The following SYNDIG1 variants were observed in gnomAD, a reference collection of about 807,000 sequenced individuals.
SYNDIG1 encodes synapse differentiation-inducing gene protein 1.
A neutral mutation model predicts 19.4 loss-of-function variants in SYNDIG1; 9 were observed. That is an observed-to-expected ratio of 0.46 (90% CI 0.28 to 0.81). The LOEUF is 0.81. Among genes scored for constraint, SYNDIG1 ranks in the 30% least tolerant of loss-of-function variants. The probability of loss-of-function intolerance (pLI) is 0.12; values close to 1 mark genes in which losing one functional copy is unlikely to be tolerated. For missense variants in SYNDIG1, 311 were observed against 343.3 expected, an observed-to-expected ratio of 0.91 and a Z score of 0.74; for synonymous variants, 141 against 145.9, an observed-to-expected ratio of 0.97 and a Z score of 0.24.
At position 24,557,544 on chromosome 20, in the gene SYNDIG1, G is replaced by A. The variant is rs528287161; in HGVS notation, c.480+13967G>A. 9.8e-5 allele frequency among the ~76,000 whole-genome samples: 15 copies of A among 152,314 alleles called. No individual in the cohort carries two copies. In the South Asian group the frequency reaches 2.5e-3, roughly 25 times the overall value. On this transcript the variant is annotated intron_variant, in intron 2 of 3. Coordinates refer to ENST00000376862, the MANE Select transcript of SYNDIG1 (RefSeq NM_024893.3). ...TAACAGACAGGACCCTCAGCTGCAG[G>A]TCTGTTGGAGTTTGCTAGAGGTCCA...
chr20:24,581,162 T>G (rs2058315817), intron 2 of SYNDIG1, among the ~76,000 whole-genome samples: 1 of 152,092 alleles, frequency 6.6e-6, no homozygotes, highest in Non-Finnish European at 1.5e-5. Flanking sequence ...CTCAGAGCCC[T>G]GGGTGCGCAG....
chr20:24,561,666 C>T (rs887214246), intron 2 of SYNDIG1, among the ~76,000 whole-genome samples: 2 of 152,176 alleles, frequency 1.3e-5, no homozygotes, highest in South Asian at 4.1e-4. Flanking sequence ...GAGAGCCTGG[C>T]TATGGCTGTG....
At chr20:24,662,385 G>C (rs6114818) in intron 3 of SYNDIG1, among the ~76,000 whole-genome samples, 1 of 151,978 alleles carries the variant, frequency 6.6e-6, no homozygotes. Flanking sequence ...TTCCAGAACC[G>C]CAGTGCACAA....
chr20:24,627,828 C>A (rs888040240), intron 3 of SYNDIG1, among the ~76,000 whole-genome samples: 1 of 152,268 alleles, frequency 6.6e-6, no homozygotes, highest in Non-Finnish European at 1.5e-5. Flanking sequence ...TTCAGCACTT[C>A]TTAATGCTGC....
intron 3 of SYNDIG1, among the ~76,000 whole-genome samples, chr20:24,661,554 AAAAAGAGAGGAAG>A (rs2059602257): frequency 3.4e-4 from 3 of 8,752 alleles, no homozygotes; most frequent in East Asian, 4.5e-3. Context: ...GGAGGGAGGA[AAAAAGAGAGGAAG>A]GAGGGAGGGA....
intron 3 of SYNDIG1, among the ~76,000 whole-genome samples, chr20:24,661,949 CA>C (rs1382607317): frequency 2.0e-5 from 3 of 152,086 alleles, no homozygotes; most frequent in Non-Finnish European, 2.9e-5. Flanking sequence ...TAAACACTAC[CA>C]CCCATGGAAT....
At chr20:24,495,444 T>C (rs1246927908) in intron 1 of SYNDIG1, 1 of 152,326 alleles carries the variant, frequency 6.6e-6, no homozygotes, top group East Asian at 1.9e-4. Flanking sequence ...CTTCATCCAG[T>C]TCCCCGAGCT....
intron 1 of SYNDIG1, among the ~76,000 whole-genome samples, chr20:24,518,310 G>A (rs982058289): frequency 7.9e-5 from 12 of 152,060 alleles, no homozygotes; most frequent in Non-Finnish European, 1.6e-4. Context: ...CTGGTACTAG[G>A]GAGAAGCATC....
chr20:24,654,650 G>GGAAAGAAGGAAGGA (rs2059505234), intron 3 of SYNDIG1, among the ~76,000 whole-genome samples: 19 of 117,456 alleles, frequency 1.6e-4, no homozygotes, highest in African/African-American at 6.5e-4. Context: ...GGGAGGGAGG[G>GGAAAGAAGGAAGGA]AGGAAGGAAG....
At chr20:24,589,971 T>TG (rs1568666514) in intron 3 of SYNDIG1, among the ~76,000 whole-genome samples, 2 of 152,206 alleles carry the variant, frequency 1.3e-5, no homozygotes, top group African/African-American at 4.8e-5. Context: ...CATGCAGCAG[T>TG]GAACAGAGCA....
At chr20:24,581,021 G>T (rs193034944) in intron 2 of SYNDIG1, among the ~76,000 whole-genome samples, 45 of 152,298 alleles carry the variant, frequency 3.0e-4, no homozygotes, top group Non-Finnish European at 5.3e-4. Flanking sequence ...GACAGACTTA[G>T]CAAGAAGCAG....
At chr20:24,579,304 C>T (rs889022365) in intron 2 of SYNDIG1, among the ~76,000 whole-genome samples, 10 of 152,168 alleles carry the variant, frequency 6.6e-5, no homozygotes, top group African/African-American at 2.2e-4. Flanking sequence ...TGACTGTTTT[C>T]GAGCTGCTGA....
At chr20:24,523,313 A>G (rs1191891693) in intron 1 of SYNDIG1, among the ~76,000 whole-genome samples, 4 of 152,206 alleles carry the variant, frequency 2.6e-5, no homozygotes, top group Non-Finnish European at 4.4e-5. Flanking sequence ...GTCCTTATTA[A>G]AAGTTTAGCA....
intron 1 of SYNDIG1, among the ~76,000 whole-genome samples, chr20:24,496,498 T>C (rs959701593): frequency 1.3e-5 from 2 of 152,258 alleles, no homozygotes; most frequent in South Asian, 2.1e-4. Flanking sequence ...CATGGGTTTC[T>C]ATAGTGGAAT....
intron 2 of SYNDIG1, among the ~76,000 whole-genome samples, chr20:24,556,915 C>T (rs2057832687): frequency 6.6e-6 from 1 of 152,166 alleles, no homozygotes; most frequent in African/African-American, 2.4e-5. Context: ...CAACTTGGTT[C>T]CATTCTCCCC....
chr20:24,500,105 T>C (rs2056403097), intron 1 of SYNDIG1, among the ~76,000 whole-genome samples: 1 of 151,136 alleles, frequency 6.6e-6, no homozygotes, highest in Non-Finnish European at 1.5e-5. Flanking sequence ...TGCCAAAGAC[T>C]CCAGACTCAG....
chr20:24,531,840 G>T (rs1330622355), intron 1 of SYNDIG1, among the ~76,000 whole-genome samples: 2 of 152,214 alleles, frequency 1.3e-5, no homozygotes, highest in African/African-American at 4.8e-5. Context: ...GCGTGTGCTG[G>T]TTTATTCTGC....
chr20:24,600,509 T>C (rs535253203), intron 3 of SYNDIG1, among the ~76,000 whole-genome samples: 3 of 152,072 alleles, frequency 2.0e-5, no homozygotes, highest in Non-Finnish European at 4.4e-5. Flanking sequence ...CAGTGACCAC[T>C]GGAATGACCT....
chr20:24,506,641 G>T (rs1206165125), intron 1 of SYNDIG1, among the ~76,000 whole-genome samples: 2 of 152,236 alleles, frequency 1.3e-5, no homozygotes, highest in African/African-American at 4.8e-5. Context: ...CTGTGGCCCT[G>T]TGGGCCTAAT....
Sources: gnomAD v4.1 joint callset for allele counts (sites outside exome capture counted in the v4.1 genomes callset) on GRCh38, gnomAD v4.1.1 for gene constraint, MANE v1.5 for transcripts, NCBI Gene and HGNC (gene_info 2026-07-23, HGNC 2026-07-21) for gene names.